The following PCNX2 variants were observed in gnomAD, a reference collection of about 807,000 sequenced individuals.
PCNX2 encodes the protein pecanex 2, also known as pecanex-like protein 2.
A neutral mutation model predicts 223.8 loss-of-function variants in PCNX2; 168 were observed. The ratio of observed to expected loss-of-function variants is 0.75; its 90% CI spans 0.66 to 0.85. The LOEUF is 0.85. Ranked by LOEUF, PCNX2 falls within the 40% of genes least tolerant of loss-of-function variation. PCNX2 has a pLI of 0.00. For missense variants in PCNX2, 2,507 were observed against 2,675.5 expected (o/e 0.94, Z 1.39); for synonymous variants, 1,006 against 1,052.6 (o/e 0.96, Z 0.86).
In PCNX2 at chr1:233,179,115, C is replaced by A. The variant is rs201315801; in HGVS notation, c.3127G>T (p.Ala1043Ser). The A allele has an allele frequency of 6.2e-7, 1 of 1,613,778 alleles. No individual in the cohort carries two copies. The highest frequency in any genetic ancestry group is 2.2e-5 in the East Asian group (1 of 44,858). The change falls in exon 16 of 34, where the codon GCC becomes TCC. Residue 1043 changes from alanine (A) to serine (S), a missense_variant. Ala to Ser is a moderately conservative substitution (Grantham distance 99). Coordinates refer to ENST00000258229, the MANE Select transcript of PCNX2 (RefSeq NM_014801.4). ...TGACGGCTCAGATGGTAAGAAAGGG[C>A]GACCAAGAGGCCACAGAAGGCCGAA... ...LFSAFCGLLV[A>S]LSYHLSRQSS...
chr1:233,011,637 T>C (rs1670472755), intron 28 of PCNX2, among the ~76,000 whole-genome samples: 2 of 152,044 alleles, frequency 1.3e-5, no homozygotes, highest in African/African-American at 4.8e-5. Context: ...TGACGCTCCA[T>C]AAAAAGCCCA....
chr1:233,105,159 A>C (rs1238728533), intron 21 of PCNX2, among the ~76,000 whole-genome samples: 1 of 151,984 alleles, frequency 6.6e-6, no homozygotes, highest in Non-Finnish European at 1.5e-5. Flanking sequence ...AAATGAAAAA[A>C]CTCTGAATGA....
intron 21 of PCNX2, among the ~76,000 whole-genome samples, chr1:233,133,620 C>A (rs1420702790): frequency 1.3e-5 from 2 of 152,100 alleles, no homozygotes; most frequent in East Asian, 1.9e-4. Context: ...CTTTGGGAGG[C>A]CAAGGTAGGA....
At chr1:233,055,819 C>T (rs1037718428) in intron 24 of PCNX2, among the ~76,000 whole-genome samples, 2 of 152,092 alleles carry the variant, frequency 1.3e-5, no homozygotes, top group Admixed American at 6.5e-5. Flanking sequence ...CAGATCTGAC[C>T]GAAGCATCCC....
At chr1:233,209,114 T>A (rs190306889) in intron 12 of PCNX2, among the ~76,000 whole-genome samples, 40 of 152,318 alleles carry the variant, frequency 2.6e-4, no homozygotes, top group Non-Finnish European at 4.6e-4. Context: ...AGAAATAGAA[T>A]TATAATTTGT....
intron 21 of PCNX2, among the ~76,000 whole-genome samples, chr1:233,120,916 C>CT (rs1171627164): frequency 5.3e-5 from 8 of 151,792 alleles, no homozygotes; most frequent in Admixed American, 5.2e-4. Context: ...TACAAAGAAA[C>CT]TACTCTAAAC....
chr1:233,213,587 T>A (rs1681943438), intron 12 of PCNX2, among the ~76,000 whole-genome samples: 1 of 152,126 alleles, frequency 6.6e-6, no homozygotes, highest in African/African-American at 2.4e-5. Context: ...CAAAAAATAA[T>A]CTCCAATAAT....
Position 233,295,193 on chromosome 1 carries a change from A to C in PCNX2, c.153+133T>G. ...CATGTTCTCTGTCCCAAATTTCTGA[A>C]GCCCCTCCCTTTCCGTCTCTTAAGA... On this transcript the variant is annotated intron_variant, in intron 1 of 33. Transcript: ENST00000258229. This position sits in a 1 kb window ranked among gnomAD's most constrained non-coding sequence, Gnocchi z 4.1. 1.6e-6 allele frequency: 2 copies of C among 1,286,898 alleles called. No homozygotes were observed. Among genetic ancestry groups the C allele is most frequent in the Non-Finnish European group, 2.1e-6 (2 of 937,700 alleles). 79.7% of individuals were successfully genotyped at this position (1,286,898 alleles called of 1,614,324 possible). A position where few individuals can be genotyped will look rare whatever the true frequency, so the allele number is the denominator to read the frequency against.
chr1:233,117,736 C>A (rs1675499145), intron 21 of PCNX2, among the ~76,000 whole-genome samples: 1 of 151,622 alleles, frequency 6.6e-6, no homozygotes, highest in Admixed American at 6.6e-5. Flanking sequence ...ATAGGCCAGG[C>A]GCGGTGGCTC....
chr1:233,148,840 AAGT>A (rs2102796233), intron 19 of PCNX2, among the ~76,000 whole-genome samples: 2 of 152,374 alleles, frequency 1.3e-5, no homozygotes, highest in South Asian at 4.1e-4. Context: ...TTATAGTTGG[AAGT>A]AGAAAGGGAC....
rs1441661720 is a variant in PCNX2 at position 232,991,059 on chromosome 1, G to A, written c.5792-4519C>T. 6.6e-6 allele frequency among the ~76,000 whole-genome samples: 1 copy of A among 152,222 alleles called. No individual in the cohort carries two copies. The highest frequency in any genetic ancestry group is 6.5e-5 in the Admixed American group (1 of 15,290). On this transcript the variant is annotated intron_variant, in intron 32 of 33. Coordinates refer to ENST00000258229, the MANE Select transcript of PCNX2 (RefSeq NM_014801.4). This position sits in a 1 kb window ranked among gnomAD's most constrained non-coding sequence, Gnocchi z 4.3. The stretch of plus-strand genomic sequence containing the variant: ...CTGAGCGTCCACCGTGGGCTGCACT[G>A]TCCTAGGTGCCGGGCAGTGAGCAGC...
At chr1:233,320,718 C>T in the PCNX2 span, among the ~76,000 whole-genome samples, 1 of 152,062 alleles carries the variant, frequency 6.6e-6, no homozygotes, top group Non-Finnish European at 1.5e-5. Flanking sequence ...TTGGAGATAC[C>T]AAAATGACAT....
chr1:233,090,870 A>C (rs1030113657), intron 22 of PCNX2, among the ~76,000 whole-genome samples: 4 of 152,202 alleles, frequency 2.6e-5, no homozygotes, highest in African/African-American at 9.7e-5. Flanking sequence ...TTGCTTGATC[A>C]AAGAGGTAAT....
At chr1:233,068,138 G>A (rs952108830) in intron 23 of PCNX2, among the ~76,000 whole-genome samples, 1 of 152,144 alleles carries the variant, frequency 6.6e-6, no homozygotes, top group African/African-American at 2.4e-5. Flanking sequence ...AGAAACCATA[G>A]AGGTCAGGAA....
the PCNX2 span, among the ~76,000 whole-genome samples, chr1:233,307,990 T>C: frequency 1.3e-5 from 2 of 152,194 alleles, no homozygotes; most frequent in Non-Finnish European, 2.9e-5. Flanking sequence ...AAGGATGAAC[T>C]TCTGTTAACC....
chr1:233,104,639 T>G (rs535669261), intron 21 of PCNX2, among the ~76,000 whole-genome samples: 1 of 152,100 alleles, frequency 6.6e-6, no homozygotes, highest in Non-Finnish European at 1.5e-5. Flanking sequence ...TATGAAATAT[T>G]TGACCGACAG....
At chr1:233,136,300 G>T (rs78140708) in intron 20 of PCNX2, among the ~76,000 whole-genome samples, 5,053 of 152,272 alleles carry the variant, frequency 0.033, 113 homozygotes, top group African/African-American at 0.067. Flanking sequence ...TGCCTCAATT[G>T]CCCTAAACCT....
Position 233,139,993 on chromosome 1 carries a change from A to G in PCNX2, c.3518-138T>C. ...GAACTCGTGATACTAGACATGATAT[A>G]CCATTTTTTTCCAGGCAGCAACTGT... On this transcript the variant is annotated intron_variant, in intron 19 of 33. Coordinates refer to ENST00000258229, the MANE Select transcript of PCNX2 (RefSeq NM_014801.4). This position sits in a 1 kb window ranked among gnomAD's most constrained non-coding sequence, Gnocchi z 4.4. 1 of 1,084,608 alleles carries G rather than the reference A, an allele frequency of 9.2e-7. No homozygotes were observed. Among genetic ancestry groups the G allele is most frequent in the Non-Finnish European group, 1.3e-6 (1 of 775,982 alleles). 67.2% of individuals were successfully genotyped at this position (1,084,608 alleles called of 1,614,324 possible).
chr1:233,032,970 T>C (rs931753600), intron 25 of PCNX2: 70 of 984,210 alleles, frequency 7.1e-5, no homozygotes, highest in Non-Finnish European at 8.4e-5. Flanking sequence ...AATGCACTAA[T>C]TGCGTTGTCC....
Sources: allele counts gnomAD v4.1 joint callset (sites outside exome capture counted in the v4.1 genomes callset), GRCh38; gene constraint gnomAD v4.1.1; non-coding constraint Gnocchi (gnomAD v3.1); transcripts MANE v1.5; gene names NCBI Gene and HGNC (gene_info 2026-07-23, HGNC 2026-07-21).